Variants in MAST1 observed in about 807,000 individuals in gnomAD.
MAST1 encodes microtubule associated serine/threonine kinase 1, also known as microtubule-associated serine/threonine-protein kinase 1.
Under a neutral mutation model 124.6 loss-of-function variants are expected in MAST1, and 40 were observed. That is an observed-to-expected ratio of 0.32 (90% CI 0.25 to 0.42). MAST1 has a LOEUF of 0.42. MAST1 is among the 10% of genes least tolerant of loss of function. MAST1 has a pLI of 1.00. For synonymous variants in MAST1, 938 were observed against 939.4 expected, an observed-to-expected ratio of 1.00 and a Z score of 0.03; for missense variants, 1,558 against 2,181.9, an observed-to-expected ratio of 0.71 and a Z score of 5.70.
intron 12 of MAST1, 100 bp from the exon 13 acceptor site, chr19:12,864,709 A>T: frequency 6.7e-7 from 1 of 1,495,042 alleles, no homozygotes; most frequent in Non-Finnish European, 9.1e-7. Flanking sequence ...TCCCTTATCT[A>T]TAAAACGGGT....
In MAST1 at chr19:12,853,168, T is replaced by TGA. The variant is rs539714506; in HGVS notation, c.1077+773_1077+774insGA. Among the ~76,000 whole-genome samples the TGA allele has an allele frequency of 3.8e-3, 573 of 151,638 alleles. 4 individuals are homozygous for TGA. The highest frequency in any genetic ancestry group is 6.8e-3 in the Middle Eastern group (2 of 294). On this transcript the variant is annotated intron_variant, in intron 10 of 25. Coordinates refer to ENST00000251472, the MANE Select transcript of MAST1 (RefSeq NM_014975.3). ...TATTTTTAGTAGAGACTAAAATTTC[T>TGA]CCATGTTGGTCAGGCTGGTTGCAAA... is the stretch of plus-strand genomic sequence containing the variant.
intron 24 of MAST1, among the ~76,000 whole-genome samples, chr19:12,871,669 C>T (rs935524415): frequency 6.6e-6 from 1 of 151,802 alleles, no homozygotes; most frequent in African/African-American, 2.4e-5. Context: ...CCTGTAATCA[C>T]AGCACTTTGG....
Position 12,865,800 on chromosome 19 carries a change from C to A in MAST1, c.1888C>A (p.Leu630Met). 6.2e-7 allele frequency: 1 copy of A among 1,613,760 alleles called. No homozygotes were observed. Among genetic ancestry groups the A allele is most frequent in the Non-Finnish European group, 8.5e-7 (1 of 1,179,904 alleles). The change falls in exon 16 of 26, where the codon CTG becomes ATG. Residue 630 changes from leucine (L) to methionine (M), a missense_variant. Around this residue, in one of 10 missense-constraint regions of MAST1, gnomAD observed 145 missense variants for 350.0 expected, o/e 0.41. Coordinates refer to ENST00000251472, the MANE Select transcript of MAST1 (RefSeq NM_014975.3). The surrounding 1 kb of genome is among the most constrained non-coding windows in gnomAD (Gnocchi z 7.1). ...ATCCAGCCTCCTGCAGACCAACCCT[C>A]TGGTCAGGCTTGGGGCAGGTAAGTC... The part of the protein sequence containing the change: ...LISSLLQTNP[L>M]VRLGAGGAFE...
At chr19:12,851,260 CT>C (rs1568409307) in intron 7 of MAST1, among the ~76,000 whole-genome samples, 1 of 127,926 alleles carries the variant, frequency 7.8e-6, no homozygotes, top group Admixed American at 7.8e-5. Flanking sequence ...TTTTTCTTTT[CT>C]TTTTTTCTTT....
intron 7 of MAST1, among the ~76,000 whole-genome samples, chr19:12,849,492 T>A (rs1969935443): frequency 6.6e-6 from 1 of 151,964 alleles, no homozygotes; most frequent in African/African-American, 2.4e-5. Flanking sequence ...TGAAACTCTG[T>A]CTTTACTAAA....
At chr19:12,850,952 CTTT>C (rs201211037) in intron 7 of MAST1, among the ~76,000 whole-genome samples, 6 of 137,552 alleles carry the variant, frequency 4.4e-5, no homozygotes, top group East Asian at 2.1e-4. Context: ...TTTTTCTTTT[CTTT>C]TTTTTTTTTT....
In MAST1 at chr19:12,858,756, G is replaced by T; in HGVS notation, c.1366+17G>T. Reference sequence around the variant, plus strand: ...ATGTGGAAGGTGTGGCTGCCTGCGGGGCTGCAGGGAAGATGGGGCCGTGCT... The same window carrying T: ...ATGTGGAAGGTGTGGCTGCCTGCGGTGCTGCAGGGAAGATGGGGCCGTGCT... On this transcript the variant is annotated intron_variant, in intron 12 of 25. Coordinates refer to ENST00000251472, the MANE Select transcript of MAST1 (RefSeq NM_014975.3). The T allele has an allele frequency of 6.2e-7, 1 of 1,613,748 alleles. No homozygotes were observed. Among genetic ancestry groups the T allele is most frequent in the Non-Finnish European group, 8.5e-7 (1 of 1,179,810 alleles).
chr19:12,858,457 C>G lies in MAST1; in HGVS notation c.1157+16C>G. ...GTGCCTACGGGTGAGCCACCCGGGG[C>G]TCTGGCGGGGGGAGGGTGGCGGAGG... On this transcript the variant is annotated intron_variant, in intron 11 of 25. Transcript: ENST00000251472. 1 of 1,613,124 alleles carries G rather than the reference C, an allele frequency of 6.2e-7. No homozygotes were observed. Among genetic ancestry groups the G allele is most frequent in the Non-Finnish European group, 8.5e-7 (1 of 1,179,264 alleles).
intron 12 of MAST1, chr19:12,859,006 T>A (rs1325258003): frequency 3.7e-6 from 2 of 539,918 alleles, no homozygotes; most frequent in Non-Finnish European, 6.5e-6. Flanking sequence ...TATCTACTGA[T>A]GTGCTAATCC....
At position 12,868,557 on chromosome 19, in the gene MAST1, T is replaced by C. The variant is rs562509664; in HGVS notation, c.2567-86T>C. ...CTCACCATCCATCAAGGGTAAAAAG[T>C]GGAAAGAGCATTCCAGGCAGGGAAA... On this transcript the variant is annotated intron_variant, in intron 20 of 25. Transcript: ENST00000251472. The C allele has an allele frequency of 3.5e-4, 430 of 1,233,414 alleles. 8 individuals carry two copies. In the South Asian group the frequency reaches 6.0e-3, roughly 17 times the overall value. The allele number at this position is 1,233,414 out of a possible 1,614,324, so 76.4% of individuals were successfully genotyped here.
intron 3 of MAST1, among the ~76,000 whole-genome samples, chr19:12,842,022 C>T (rs1969835609): frequency 6.6e-6 from 1 of 152,020 alleles, no homozygotes; most frequent in South Asian, 2.1e-4. Flanking sequence ...GTGTGTGTGT[C>T]CTTGTAACTG....
In MAST1 at chr19:12,873,718, C is replaced by G; in HGVS notation, c.3561C>G (p.Leu1187=). 6.2e-7 allele frequency: 1 copy of G among 1,602,490 alleles called. No homozygotes were observed. Among genetic ancestry groups the G allele is most frequent in the Non-Finnish European group, 8.5e-7 (1 of 1,179,144 alleles). ...PSTLHGLSPK[L]HRQYRSARCK... is the part of the protein sequence containing the mutation. ...CGCTGCACGGACTGTCGCCAAAGCT[C>G]CATCGCCAGTACCGCTCTGCGCGAT... The change falls in exon 26 of 26, where the codon CTC becomes CTG. Residue 1187 remains leucine (L), a synonymous_variant. Transcript: ENST00000251472.
rs1171610100 is a variant in MAST1 at position 12,870,949 on chromosome 19, G to C, written c.3126+3G>C. ...AGGTCGTGGAGCTGATCCTTAAGGT[G>C]AGTGCAGGGAAGGAGGCACCCTGGG... On this transcript the variant is annotated splice_donor_region_variant and intron_variant, in intron 23 of 25. Transcript: ENST00000251472. 6.2e-7 allele frequency: 1 copy of C among 1,613,658 alleles called. No homozygotes were observed. The highest frequency in any genetic ancestry group is 8.5e-7 in the Non-Finnish European group (1 of 1,179,798).
In MAST1 at chr19:12,866,194, T is replaced by A. The variant is rs2145908014; in HGVS notation, c.2029+92T>A. The A allele has an allele frequency of 6.9e-7, 1 of 1,439,766 alleles. No individual in the cohort carries two copies. The highest frequency in any genetic ancestry group is 2.2e-5 in the Admixed American group (1 of 46,318). 89.2% of individuals were successfully genotyped at this position (1,439,766 alleles called of 1,614,324 possible). A position where few individuals can be genotyped will look rare whatever the true frequency, so the allele number is the denominator to read the frequency against. On this transcript the variant is annotated intron_variant, in intron 17 of 25. Transcript: ENST00000251472. The surrounding 1 kb of genome is among the most constrained non-coding windows in gnomAD (Gnocchi z 5.2). The stretch of plus-strand genomic sequence containing the variant: ...AGTAAAGCCTGGGATAGGGCCTGGC[T>A]AAGTACCAAGATGTGATGCCTAGGT...
Position 12,867,733 on chromosome 19 carries a change from G to A in MAST1, c.2322G>A (p.Lys774=). Residue 774 remains lysine, a synonymous_variant, in exon 20 of 26, where the codon AAG becomes AAA. Transcript: ENST00000251472. ...TAACCACGCCCCCTCCATGCAGCAA[G>A]CGATTCTCCGCGTCCGAGGCCAGTT... ...KTWRGGSPEI[K]RFSASEASFL... The A allele has an allele frequency of 2.0e-6, 3 of 1,530,294 alleles. No homozygotes were observed. The highest frequency in any genetic ancestry group is 2.8e-5 in the African/African-American group (2 of 71,800). 94.8% of individuals were successfully genotyped at this position (1,530,294 alleles called of 1,614,324 possible).
chr19:12,870,216 G>A (rs1180332219), intron 22 of MAST1, among the ~76,000 whole-genome samples: 5 of 142,456 alleles, frequency 3.5e-5, no homozygotes, highest in African/African-American at 1.3e-4. Flanking sequence ...ATGGCCAGGC[G>A]CGGTGGCTCA....
intron 3 of MAST1, among the ~76,000 whole-genome samples, chr19:12,842,588 CGTCCA>C (rs1208236148): frequency 1.3e-5 from 2 of 152,318 alleles, no homozygotes; most frequent in African/African-American, 4.8e-5. Context: ...CCACCGCGCC[CGTCCA>C]GTTTACTGTC....
rs1180677936 is a variant in MAST1, at chr19:12,843,716, T to C, written c.327+109T>C. 2.2e-6 allele frequency: 2 copies of C among 903,984 alleles called. No homozygotes were observed. Among genetic ancestry groups the C allele is most frequent in the African/African-American group, 1.7e-5 (1 of 59,112 alleles). The allele number at this position is 903,984 out of a possible 1,614,324, so 56.0% of individuals were successfully genotyped here. On this transcript the variant is annotated intron_variant, in intron 4 of 25. Transcript: ENST00000251472. This position sits in a 1 kb window ranked among gnomAD's most constrained non-coding sequence, Gnocchi z 4.9. The stretch of plus-strand genomic sequence containing the variant: ...GTCCAGGCTGGGCTTGATGACAGTT[T>C]AGGGCCAGGCTCAGTGACTCAAGCC...
rs376338996 is a variant in MAST1, at chr19:12,869,298, G to A, written c.3003+3G>A. On this transcript the variant is annotated splice_donor_region_variant and intron_variant, in intron 22 of 25. Coordinates refer to ENST00000251472, the MANE Select transcript of MAST1 (RefSeq NM_014975.3). ...ATAGTGTCCACCACATTGTCTGGGTGAGTACTCATGGGTGGAGTCTCCATC... is the reference window on the plus strand; with the variant it reads ...ATAGTGTCCACCACATTGTCTGGGTAAGTACTCATGGGTGGAGTCTCCATC... 2.7e-4 allele frequency: 442 copies of A among 1,610,646 alleles called. 1 individual carries two copies. In the African/African-American group the frequency reaches 5.6e-3, roughly 20 times the overall value.
Sources: gnomAD v4.1 joint callset for allele counts (sites outside exome capture counted in the v4.1 genomes callset) on GRCh38, gnomAD v4.1.1 for gene constraint, gnomAD v4.1.1 regional missense constraint, Gnocchi (gnomAD v3.1) non-coding constraint, MANE v1.5 for transcripts, NCBI Gene and HGNC (gene_info 2026-07-23, HGNC 2026-07-21) for gene names.